The following MYC variants were observed in gnomAD, a reference collection of about 807,000 sequenced individuals.
The protein encoded by MYC is myc proto-oncogene protein.
A neutral mutation model predicts 30.5 loss-of-function variants in MYC; 1 was observed. That is an observed-to-expected ratio of 0.03 (90% CI 0.01 to 0.16). The LOEUF (loss-of-function observed/expected upper bound fraction) is 0.16, where lower values mean the gene tolerates loss of function less well. Among genes scored for constraint, MYC ranks in the 10% least tolerant of loss-of-function variants. The pLI, the probability that MYC is intolerant of heterozygous loss-of-function variation, is 1.00. For synonymous variants in MYC, 267 were observed against 250.7 expected (o/e 1.07, Z -0.62); for missense variants, 508 against 589.0 (o/e 0.86, Z 1.42).
chr8:127,737,877 G>A (rs1813626672), intron 1 of MYC, among the ~76,000 whole-genome samples: 1 of 152,212 alleles, frequency 6.6e-6, no homozygotes, highest in South Asian at 2.1e-4. Flanking sequence ...TTGTGCCTTG[G>A]ATTTTGGCAA....
intron 1 of MYC, among the ~76,000 whole-genome samples, chr8:127,737,538 G>C (rs1356139055): frequency 6.6e-6 from 1 of 152,226 alleles, no homozygotes; most frequent in African/African-American, 2.4e-5. Flanking sequence ...TCCGTATTGA[G>C]TGCGAAGGGA....
chr8:127,738,595 G>A lies in MYC; in HGVS notation c.378G>A (p.Val126=), dbSNP rs2130094735. 4 of 1,613,322 alleles carry A rather than the reference G, an allele frequency of 2.5e-6. No individual in the cohort carries two copies. The highest frequency in any genetic ancestry group is 2.5e-6 in the Non-Finnish European group (3 of 1,179,474). Residue 126 remains valine (V), a synonymous_variant, in exon 2 of 3, where the codon GTG becomes GTA. Transcript: ENST00000621592. The surrounding 1 kb of genome is among the most constrained non-coding windows in gnomAD (Gnocchi z 7.6). ...CCGAGCTGCTGGGAGGAGACATGGTGAACCAGAGTTTCATCTGCGACCCGG... is the reference window on the plus strand; with the variant it reads ...CCGAGCTGCTGGGAGGAGACATGGTAAACCAGAGTTTCATCTGCGACCCGG...
Position 127,742,895 on chromosome 8 carries a change from A to G in MYC, c.*1937A>G, listed in dbSNP as rs1813735381. Among the ~76,000 whole-genome samples the G allele has an allele frequency of 6.6e-6, 1 of 152,188 alleles. No individual in the cohort carries two copies. Among genetic ancestry groups the G allele is most frequent in the Non-Finnish European group, 1.5e-5 (1 of 68,038 alleles). On this transcript the variant is annotated 3_prime_UTR_variant, in exon 3 of 3. Coordinates refer to ENST00000621592, the MANE Select transcript of MYC (RefSeq NM_002467.6). ...TCAAAGTAGGTCTTCAGCTCCCTGT[A>G]CTTTGGGATTTTAATCTACCACCAC...
At chr8:127,736,148 A>T (rs1813583108), upstream of MYC, 1 of 450,550 alleles carries the variant, frequency 2.2e-6, no homozygotes, top group Non-Finnish European at 3.9e-6. Flanking sequence ...CGAGAAGGGC[A>T]GGGCTTCTCA....
intron 2 of MYC, among the ~76,000 whole-genome samples, chr8:127,740,023 T>A (rs1391736928): frequency 2.0e-5 from 3 of 150,290 alleles, no homozygotes; most frequent in African/African-American, 7.4e-5. Context: ...TAGGCTGGAG[T>A]GCAGTGGCGC....
chr8:127,739,739 C>T (rs2130100009), intron 2 of MYC, among the ~76,000 whole-genome samples: 1 of 151,940 alleles, frequency 6.6e-6, no homozygotes. Flanking sequence ...TCATTTGCAA[C>T]ACCTGAAGTG....
At chr8:127,739,057 G>T in intron 2 of MYC, 38 bp downstream of exon 2, 1 of 1,447,670 alleles carries the variant, frequency 6.9e-7, no homozygotes, top group Non-Finnish European at 9.0e-7. Context: ...AAAGTGGGCG[G>T]CTGGATACCT....
chr8:127,739,975 T>G (rs1341533128), intron 2 of MYC, among the ~76,000 whole-genome samples: 1 of 151,502 alleles, frequency 6.6e-6, no homozygotes, highest in East Asian at 1.9e-4. Flanking sequence ...TCTTTTTTTT[T>G]TTTTTTCCTT....
intron 1 of MYC, among the ~76,000 whole-genome samples, chr8:127,737,745 A>G (rs1439675711): frequency 6.6e-6 from 1 of 151,898 alleles, no homozygotes; most frequent in Admixed American, 6.6e-5. Flanking sequence ...CGGCGGGGGT[A>G]GGAGAGCGGC....
At position 127,737,738 on chromosome 8, in the gene MYC, C is replaced by T. The variant is rs567410724; in HGVS notation, c.31-510C>T. Reference sequence around the variant, plus strand: ...AGGTTGGGAGGGGCTGCGGTGCCGGCGGGGGTAGGAGAGCGGCTAGGGCGC... The same window carrying T: ...AGGTTGGGAGGGGCTGCGGTGCCGGTGGGGGTAGGAGAGCGGCTAGGGCGC... On this transcript the variant is annotated intron_variant, in intron 1 of 2. Transcript: ENST00000621592. Among the ~76,000 whole-genome samples, 4 of 151,650 alleles carry T rather than the reference C, an allele frequency of 2.6e-5. No homozygotes were observed. The East Asian group carries it at 7.8e-4, about 30-fold the overall frequency.
rs758263761 is a variant in MYC at position 127,738,879 on chromosome 8, A to G, written c.662A>G (p.Lys221Arg). 2 of 1,612,358 alleles carry G rather than the reference A, an allele frequency of 1.2e-6. No individual in the cohort carries two copies. Among genetic ancestry groups the G allele is most frequent in the Admixed American group, 3.3e-5 (2 of 60,000 alleles). The change falls in exon 2 of 3, where the codon AAG becomes AGG. Residue 221 changes from lysine (K) to arginine (R), a missense_variant. Lys to Arg is a conservative substitution (Grantham distance 26). Around this residue, in one of 5 missense-constraint regions of MYC, gnomAD observed 364 missense variants for 381.1 expected, o/e 0.96. Coordinates refer to ENST00000621592, the MANE Select transcript of MYC (RefSeq NM_002467.6). This position sits in a 1 kb window ranked among gnomAD's most constrained non-coding sequence, Gnocchi z 7.6. ...CCTCTCAACGACAGCAGCTCGCCCA[A>G]GTCCTGCGCCTCGCAAGACTCCAGC...
upstream of MYC, chr8:127,735,851 T>C (rs1264570318): frequency 2.5e-6 from 1 of 398,656 alleles, no homozygotes; most frequent in Non-Finnish European, 4.4e-6. Context: ...GCGCGCGTAG[T>C]TAATTCATGC....
chr8:127,736,405 G>T lies in MYC; in HGVS notation c.-189G>T, dbSNP rs907691279. 4.7e-6 allele frequency: 3 copies of T among 639,684 alleles called. No homozygotes were observed. Among genetic ancestry groups the T allele is most frequent in the African/African-American group, 1.8e-5 (1 of 54,672 alleles). 39.6% of individuals were successfully genotyped at this position (639,684 alleles called of 1,614,324 possible). ...CCGCTGATCCCCCAGCCAGCGGTCC[G>T]CAACCCTTGCCGCATCCACGAAACT... is the stretch of plus-strand genomic sequence containing the variant. On this transcript the variant is annotated 5_prime_UTR_variant, in exon 1 of 3. Transcript: ENST00000621592.
chr8:127,735,570 G>C (rs961694180), upstream of MYC: 1 of 399,080 alleles, frequency 2.5e-6, no homozygotes, highest in Non-Finnish European at 4.4e-6. Context: ...CGCTCTGAAC[G>C]CGCGCCCATT....
rs1052388785 is a variant in MYC, at chr8:127,741,986, G to C, written c.*1028G>C. Among the ~76,000 whole-genome samples the C allele has an allele frequency of 6.6e-6, 1 of 152,188 alleles. No individual in the cohort carries two copies. The highest frequency in any genetic ancestry group is 1.5e-5 in the Non-Finnish European group (1 of 68,044). On this transcript the variant is annotated 3_prime_UTR_variant, in exon 3 of 3. Coordinates refer to ENST00000621592, the MANE Select transcript of MYC (RefSeq NM_002467.6). ...CAAGGAAATAGAAGAGCTCAAAGAG[G>C]TTATGTAACTTATCTGTAGCCACGC... is the stretch of plus-strand genomic sequence containing the variant.
Position 127,736,479 on chromosome 8 carries a change from G to C in MYC, c.-115G>C. On this transcript the variant is annotated 5_prime_UTR_variant, in exon 1 of 3. Coordinates refer to ENST00000621592, the MANE Select transcript of MYC (RefSeq NM_002467.6). ...CTTTGCACTGGAACTTACAACACCC[G>C]AGCAAGGACGCGACTCTCCCGACGC... 8.3e-7 allele frequency: 1 copy of C among 1,206,296 alleles called. No homozygotes were observed. The highest frequency in any genetic ancestry group is 1.3e-5 in the South Asian group (1 of 76,422). 74.7% of individuals were successfully genotyped at this position (1,206,296 alleles called of 1,614,324 possible).
Position 127,741,142 on chromosome 8 carries a change from A to G in MYC, c.*184A>G. ...GGCATAAAAGAACTTTTTTATGCTT[A>G]CCATCTTTTTTTTTTCTTTAACAGA... On this transcript the variant is annotated 3_prime_UTR_variant, in exon 3 of 3. Coordinates refer to ENST00000621592, the MANE Select transcript of MYC (RefSeq NM_002467.6). 2.3e-6 allele frequency: 1 copy of G among 434,840 alleles called. No individual in the cohort carries two copies. The highest frequency in any genetic ancestry group is 3.9e-6 in the Non-Finnish European group (1 of 253,754). 26.9% of individuals were successfully genotyped at this position (434,840 alleles called of 1,614,324 possible). A position where few individuals can be genotyped will look rare whatever the true frequency, so the allele number is the denominator to read the frequency against.
rs2130096849 is a variant in MYC, at chr8:127,738,833, C to T, written c.616C>T (p.Pro206Ser). Residue 206 changes from proline (P) to serine (S), a missense_variant, in exon 2 of 3, where the codon CCC becomes TCC. Physicochemically the swap from Pro to Ser is moderately conservative, Grantham distance 74. Coordinates refer to ENST00000621592, the MANE Select transcript of MYC (RefSeq NM_002467.6). The surrounding 1 kb of genome is among the most constrained non-coding windows in gnomAD (Gnocchi z 7.6). ...CGCCGCCGCCTCAGAGTGCATCGAC[C>T]CCTCGGTGGTCTTCCCCTACCCTCT... 6.2e-7 allele frequency: 1 copy of T among 1,611,560 alleles called. No homozygotes were observed. Among genetic ancestry groups the T allele is most frequent in the Non-Finnish European group, 8.5e-7 (1 of 1,179,116 alleles).
rs1813710900 is a variant in MYC at position 127,741,444 on chromosome 8, GT to G, written c.*490del. 4.7e-6 allele frequency: 1 copy of G among 214,792 alleles called. No homozygotes were observed. Among genetic ancestry groups the G allele is most frequent in the Non-Finnish European group, 9.4e-6 (1 of 106,546 alleles). The allele number at this position is 214,792 out of a possible 1,614,324, so 13.3% of individuals were successfully genotyped here. A position where few individuals can be genotyped will look rare whatever the true frequency, so the allele number is the denominator to read the frequency against. Reference sequence around the variant, plus strand: ...TTGAGCCAAATCTTAAGTTGTGAATGTTTTGTTTCGTTTCTTCCCCCTCCCA... The same window carrying G: ...TTGAGCCAAATCTTAAGTTGTGAATGTTTGTTTCGTTTCTTCCCCCTCCCA... On this transcript the variant is annotated 3_prime_UTR_variant, in exon 3 of 3. Coordinates refer to ENST00000621592, the MANE Select transcript of MYC (RefSeq NM_002467.6).
Sources: gnomAD v4.1 joint callset for allele counts (sites outside exome capture counted in the v4.1 genomes callset) on GRCh38, gnomAD v4.1.1 for gene constraint, gnomAD v4.1.1 regional missense constraint, Gnocchi (gnomAD v3.1) non-coding constraint, MANE v1.5 for transcripts, NCBI Gene and HGNC (gene_info 2026-07-23, HGNC 2026-07-21) for gene names.